Variants in CDH18 observed in about 807,000 individuals in gnomAD.
CDH18 encodes cadherin 18.
In CDH18, 31 loss-of-function variants were observed where a neutral mutation model predicts 67.9. The observed-to-expected ratio is 0.46, with a 90% CI of 0.34 to 0.62. CDH18 has a LOEUF of 0.62. Ranked by LOEUF, CDH18 falls within the 20% of genes least tolerant of loss-of-function variation. CDH18 has a pLI of 0.01. For missense variants in CDH18, 890 were observed against 975.5 expected, an observed-to-expected ratio of 0.91 and a Z score of 1.17; for synonymous variants, 362 against 347.2, an observed-to-expected ratio of 1.04 and a Z score of -0.48.
At chr5:19,953,878 AAAG>A (rs1427671692) in intron 2 of CDH18, among the ~76,000 whole-genome samples, 1 of 152,082 alleles carries the variant, frequency 6.6e-6, no homozygotes, top group African/African-American at 2.4e-5. Context: ...TTAAATGGAA[AAAG>A]AAAAAAGATT....
rs547497790 is a variant in CDH18 at position 20,034,330 on chromosome 5, C to T, written c.-517-42316G>A. Among the ~76,000 whole-genome samples the T allele has an allele frequency of 1.1e-4, 17 of 152,082 alleles. 1 individual carries two copies. The South Asian group carries it at 3.5e-3, about 32-fold the overall frequency. ...CACACCCCCTGTTTATTTAAAATTA[C>T]CATATAGCCTGGCTTGTTTTTATGC... On this transcript the variant is annotated intron_variant, in intron 2 of 14. Transcript: ENST00000507958.
At chr5:20,063,083 T>C (rs1401023773) in intron 2 of CDH18, among the ~76,000 whole-genome samples, 1 of 151,082 alleles carries the variant, frequency 6.6e-6, no homozygotes, top group South Asian at 2.1e-4. Flanking sequence ...AATTATGTCT[T>C]TGATCAAATA....
chr5:19,948,227 T>C (rs1579745611), intron 2 of CDH18, among the ~76,000 whole-genome samples: 1 of 152,266 alleles, frequency 6.6e-6, no homozygotes, highest in East Asian at 1.9e-4. Context: ...AACTTATAAA[T>C]AGACTTATCG....
intron 4 of CDH18, among the ~76,000 whole-genome samples, chr5:19,741,241 AT>A (rs1769121494): frequency 3.8e-5 from 1 of 26,272 alleles, no homozygotes; most frequent in African/African-American, 4.5e-5. Flanking sequence ...ATATGTACAT[AT>A]ATGTATGTAT....
chr5:20,471,907 T>C (rs1174943772), intron 1 of CDH18, among the ~76,000 whole-genome samples: 1 of 3,424 alleles, frequency 2.9e-4, no homozygotes, highest in Non-Finnish European at 6.1e-4. Context: ...TCTGTGAAAC[T>C]TGCTAACTCC....
chr5:20,027,120 C>T (rs941678580), intron 2 of CDH18, among the ~76,000 whole-genome samples: 4 of 151,844 alleles, frequency 2.6e-5, no homozygotes, highest in Non-Finnish European at 5.9e-5. Context: ...AAATAAATGG[C>T]TGTGTACATT....
At chr5:20,219,781 C>T (rs1441673024) in intron 2 of CDH18, among the ~76,000 whole-genome samples, 1 of 151,576 alleles carries the variant, frequency 6.6e-6, no homozygotes, top group African/African-American at 2.4e-5. Flanking sequence ...TTCAACATCC[C>T]TTCATGATAA....
At chr5:19,530,005 G>A (rs1349329293) in intron 9 of CDH18, among the ~76,000 whole-genome samples, 1 of 152,118 alleles carries the variant, frequency 6.6e-6, no homozygotes, top group Non-Finnish European at 1.5e-5. Context: ...AAAGGAGGAA[G>A]AAAAATGTAG....
chr5:19,654,348 AAT>A (rs550034965), intron 5 of CDH18, among the ~76,000 whole-genome samples: 178 of 152,318 alleles, frequency 1.2e-3, no homozygotes, highest in African/African-American at 4.1e-3. Flanking sequence ...TTGAAACTAC[AAT>A]ATGTTATATG....
At chr5:20,424,765 A>AT (rs1270269514) in intron 1 of CDH18, among the ~76,000 whole-genome samples, 10 of 148,536 alleles carry the variant, frequency 6.7e-5, no homozygotes, top group Non-Finnish European at 1.5e-5. Flanking sequence ...AAAAAAAAAA[A>AT]AAAAAAAGGA....
chr5:19,483,538 T>G lies in CDH18; in HGVS notation c.1645A>C (p.Ile549Leu), dbSNP rs1262815945. ...LKDNEDNTAS[I>L]LTRRRRFSRT... ...CTAAATCTCCTCCGCCTTGTCAGAATGCTGGCTGTGTTATCTATGATAGAC... is the reference window on the plus strand; with the variant it reads ...CTAAATCTCCTCCGCCTTGTCAGAAGGCTGGCTGTGTTATCTATGATAGAC... Residue 549 changes from isoleucine to leucine, a missense_variant, in exon 12 of 13, where the codon ATT (isoleucine) becomes CTT (leucine). Physicochemically the swap from Ile to Leu is conservative, Grantham distance 5. Coordinates refer to ENST00000382275, the MANE Select transcript of CDH18 (RefSeq NM_004934.5). 1.9e-6 allele frequency: 3 copies of G among 1,611,854 alleles called. No individual in the cohort carries two copies.
chr5:20,037,549 A>G (rs1739986842), intron 2 of CDH18, among the ~76,000 whole-genome samples: 1 of 152,134 alleles, frequency 6.6e-6, no homozygotes. Flanking sequence ...CAGGATTAAG[A>G]AACTCACTAA....
chr5:20,418,242 ATTTT>A (rs58308147), intron 1 of CDH18, among the ~76,000 whole-genome samples: 871 of 56,936 alleles, frequency 0.015, 12 homozygotes, highest in Admixed American at 0.028. Context: ...CTGCTGGCTA[ATTTT>A]TTTTTTTTTT....
intron 2 of CDH18, among the ~76,000 whole-genome samples, chr5:20,072,846 C>T (rs1256827647): frequency 6.6e-6 from 1 of 151,624 alleles, no homozygotes; most frequent in Non-Finnish European, 1.5e-5. Flanking sequence ...TACATATTCC[C>T]ATGAAAAATT....
intron 5 of CDH18, among the ~76,000 whole-genome samples, chr5:19,689,059 A>C (rs1037640894): frequency 6.6e-6 from 1 of 152,116 alleles, no homozygotes; most frequent in Non-Finnish European, 1.5e-5. Flanking sequence ...AAAATATTTA[A>C]ATTTGGGATG....
intron 2 of CDH18, among the ~76,000 whole-genome samples, chr5:20,082,903 C>T (rs1450269340): frequency 1.3e-5 from 2 of 152,148 alleles, no homozygotes; most frequent in Non-Finnish European, 2.9e-5. Context: ...GAGGAATCAA[C>T]CCTGCCAGCA....
intron 5 of CDH18, among the ~76,000 whole-genome samples, chr5:19,719,880 GAAA>G (rs1765800895): frequency 6.9e-6 from 1 of 145,914 alleles, no homozygotes; most frequent in Admixed American, 6.9e-5. Context: ...GAGAGAGAGA[GAAA>G]GAAAGAAAGA....
intron 1 of CDH18, among the ~76,000 whole-genome samples, chr5:20,498,382 ACATCCATTG>A (rs568009975): frequency 1.4e-3 from 218 of 152,176 alleles, no homozygotes; most frequent in African/African-American, 4.6e-3. Flanking sequence ...ACTCCCTCTC[ACATCCATTG>A]CTATTCATCT....
intron 2 of CDH18, among the ~76,000 whole-genome samples, chr5:19,970,581 C>A (rs1211798120): frequency 6.6e-6 from 1 of 151,450 alleles, no homozygotes; most frequent in Non-Finnish European, 1.5e-5. Context: ...ATTACGTTTT[C>A]TTTTAAAAGG....
Sources: allele counts gnomAD v4.1 joint callset (sites outside exome capture counted in the v4.1 genomes callset), GRCh38; gene constraint gnomAD v4.1.1; transcripts MANE v1.5; gene names NCBI Gene and HGNC (gene_info 2026-07-23, HGNC 2026-07-21).